Variants in RUFY1 observed in about 807,000 individuals in gnomAD.
The protein encoded by RUFY1 is RUN and FYVE domain-containing protein 1.
RUFY1 carries 54 observed loss-of-function variants against 94.6 expected under a neutral mutation model. The ratio of observed to expected loss-of-function variants is 0.57; its 90% CI spans 0.46 to 0.72. The LOEUF (loss-of-function observed/expected upper bound fraction) is 0.72, where lower values mean the gene tolerates loss of function less well. Ranked by LOEUF, RUFY1 falls within the 30% of genes least tolerant of loss-of-function variation. The pLI is 0.00. For missense variants in RUFY1, 883 were observed against 883.9 expected (o/e 1.00, Z 0.01); for synonymous variants, 396 against 347.3 (o/e 1.14, Z -1.56).
In RUFY1 at chr5:179,604,668, C is replaced by T. The variant is rs181348950; in HGVS notation, c.1857-1208C>T. ...GAGTCTAATCTGATGATAGTTCAGA[C>T]TGATCTCAGCTTTTAAGAAAGACCC... is the stretch of plus-strand genomic sequence containing the variant. On this transcript the variant is annotated intron_variant, in intron 15 of 17. Coordinates refer to ENST00000319449, the MANE Select transcript of RUFY1 (RefSeq NM_025158.5). Among the ~76,000 whole-genome samples, 49 of 152,296 alleles carry T rather than the reference C, an allele frequency of 3.2e-4. 1 individual carries two copies. The East Asian group carries it at 3.3e-3, about 10-fold the overall frequency.
chr5:179,594,233 C>T (rs1284239070), intron 11 of RUFY1, among the ~76,000 whole-genome samples: 1 of 151,168 alleles, frequency 6.6e-6, no homozygotes, highest in Non-Finnish European at 1.5e-5. Context: ...ACCCGGGAGA[C>T]AGGTTGCAGT....
chr5:179,593,367 C>G, intron 10 of RUFY1, 111 bp from the exon 11 acceptor site: 1 of 1,302,266 alleles, frequency 7.7e-7, no homozygotes, highest in Non-Finnish European at 1.1e-6. Flanking sequence ...GCATGAGCCA[C>G]CACACCCAGC....
At chr5:179,579,662 T>TCTTTTC (rs56879380) in intron 6 of RUFY1, among the ~76,000 whole-genome samples, 1 of 85,512 alleles carries the variant, frequency 1.2e-5, no homozygotes, top group Non-Finnish European at 2.3e-5. Context: ...TTCTTCTTTT[T>TCTTTTC]TTTTTTTTTT....
At chr5:179,561,079 C>T (rs1363299386) in intron 2 of RUFY1, among the ~76,000 whole-genome samples, 2 of 151,882 alleles carry the variant, frequency 1.3e-5, no homozygotes, top group East Asian at 1.9e-4. Flanking sequence ...GGCGTGGTGG[C>T]GCATGCCTGT....
chr5:179,577,446 T>G (rs1212099817), intron 6 of RUFY1, among the ~76,000 whole-genome samples: 1 of 151,692 alleles, frequency 6.6e-6, no homozygotes, highest in Non-Finnish European at 1.5e-5. Context: ...ATTACAGGCG[T>G]GACCCACCGC....
chr5:179,562,581 C>A lies in RUFY1; in HGVS notation c.519C>A (p.Phe173Leu). The A allele has an allele frequency of 6.2e-7, 1 of 1,610,236 alleles. No individual in the cohort carries two copies. Among genetic ancestry groups the A allele is most frequent in the Non-Finnish European group, 8.5e-7 (1 of 1,176,602 alleles). The change falls in exon 3 of 18, where the codon TTC (phenylalanine) becomes TTA (leucine). Residue 173 changes from phenylalanine (F) to leucine (L), a missense_variant. Transcript: ENST00000319449. ...KKSFIGQNKS[F>L]FGPLELVEKL... is the part of the protein sequence containing the mutation. ...GTTTTATTGGCCAAAATAAATCATT[C>A]TTTGGTCCTTTGGAGCTGGTGGAGA...
intron 8 of RUFY1, among the ~76,000 whole-genome samples, chr5:179,587,603 T>C (rs1283368255): frequency 6.8e-6 from 1 of 147,898 alleles, no homozygotes; most frequent in Non-Finnish European, 1.5e-5. Context: ...CATTTCACCA[T>C]GTTAGCCAGG....
intron 5 of RUFY1, 115 bp from the exon 6 acceptor site, chr5:179,576,960 C>T: frequency 1.3e-6 from 1 of 753,304 alleles, no homozygotes; most frequent in Non-Finnish European, 2.3e-6. Flanking sequence ...AGCTGGCTGA[C>T]CTAAATAAAT....
intron 1 of RUFY1, among the ~76,000 whole-genome samples, chr5:179,551,414 C>G (rs755407352): frequency 1.2e-3 from 185 of 152,382 alleles, no homozygotes; most frequent in Admixed American, 2.3e-3. Context: ...TAACTTAGCC[C>G]TCTAACGCCA....
chr5:179,597,804 C>T (rs574779488), intron 13 of RUFY1, among the ~76,000 whole-genome samples: 1 of 152,320 alleles, frequency 6.6e-6, no homozygotes, highest in South Asian at 2.1e-4. Context: ...GGCCACTCAG[C>T]TGGTAAAGGG....
chr5:179,588,577 C>A (rs1035639968), intron 8 of RUFY1, among the ~76,000 whole-genome samples: 1 of 152,122 alleles, frequency 6.6e-6, no homozygotes, highest in East Asian at 1.9e-4. Context: ...CCTGCAAATT[C>A]TTTAATTCTC....
intron 10 of RUFY1, 117 bp downstream of exon 10, chr5:179,591,858 C>G (rs1043915428): frequency 1.6e-6 from 1 of 609,616 alleles, no homozygotes; most frequent in African/African-American, 1.9e-5. Flanking sequence ...AGAAGCTGTT[C>G]ATTAAAAAAA....
chr5:179,596,695 A>G lies in RUFY1; in HGVS notation c.1631+14A>G. The G allele has an allele frequency of 2.1e-6, 3 of 1,439,048 alleles. No individual in the cohort carries two copies. The highest frequency in any genetic ancestry group is 2.8e-6 in the Non-Finnish European group (3 of 1,079,134). 89.1% of individuals were successfully genotyped at this position (1,439,048 alleles called of 1,614,324 possible). On this transcript the variant is annotated intron_variant, in intron 13 of 17. Transcript: ENST00000319449. ...GCACGAGCAATGGTAGGGGCCCTGC[A>G]GGGAGCCTGGGCTGGGGTGTGGCTC...
In RUFY1 at chr5:179,609,595, C is replaced by G; in HGVS notation, c.*76C>G. ...TCTCCAGGGGCTTGGGAAATGTGTT[C>G]TTTCCCAAGAGTATCAAAGGAAAGA... On this transcript the variant is annotated 3_prime_UTR_variant, in exon 18 of 18. Coordinates refer to ENST00000319449, the MANE Select transcript of RUFY1 (RefSeq NM_025158.5). 4 of 1,352,078 alleles carry G rather than the reference C, an allele frequency of 3.0e-6. No individual in the cohort carries two copies. The South Asian group carries it at 5.7e-5, about 19-fold the overall frequency. The allele number at this position is 1,352,078 out of a possible 1,614,324, so 83.8% of individuals were successfully genotyped here.
Position 179,585,827 on chromosome 5 carries a change from G to T in RUFY1, c.988G>T (p.Asp330Tyr). The part of the protein sequence containing the change: ...CTVGDLQTKI[D>Y]GLEKTNSKLQ... ...AGTTGGGGATCTTCAAACCAAGATA[G>T]ATGGCTTGGAAAAGACTAACTCAAA... is the stretch of plus-strand genomic sequence containing the variant. The change falls in exon 8 of 18, where the codon GAT (aspartate) becomes TAT (tyrosine). Residue 330 changes from aspartate (D) to tyrosine (Y), a missense_variant. Coordinates refer to ENST00000319449, the MANE Select transcript of RUFY1 (RefSeq NM_025158.5). The T allele has an allele frequency of 6.2e-7, 1 of 1,613,884 alleles. No homozygotes were observed. The highest frequency in any genetic ancestry group is 8.5e-7 in the Non-Finnish European group (1 of 1,179,758).
chr5:179,572,593 G>T, intron 5 of RUFY1: 1 of 230,726 alleles, frequency 4.3e-6, no homozygotes, highest in South Asian at 6.7e-5. Context: ...ATTTGCCTCT[G>T]GGGTGCTCCA....
At chr5:179,564,223 G>A (rs571298078) in intron 3 of RUFY1, among the ~76,000 whole-genome samples, 49 of 150,018 alleles carry the variant, frequency 3.3e-4, no homozygotes, top group African/African-American at 1.0e-3. Context: ...GGGTTCCAGC[G>A]ATTCTCCTGC....
At chr5:179,583,026 G>A (rs1764282367) in intron 7 of RUFY1, among the ~76,000 whole-genome samples, 1 of 151,990 alleles carries the variant, frequency 6.6e-6, no homozygotes, top group African/African-American at 2.4e-5. Context: ...GAAGCAGCCA[G>A]GTGTGATGGC....
At position 179,567,341 on chromosome 5, in the gene RUFY1, T is replaced by TA. The variant is rs1762905061; in HGVS notation, c.603-119dup. 5 of 735,072 alleles carry TA rather than the reference T, an allele frequency of 6.8e-6. No homozygotes were observed. In the Admixed American group the frequency reaches 7.2e-5, roughly 11 times the overall value. The allele number at this position is 735,072 out of a possible 1,614,324, so 45.5% of individuals were successfully genotyped here. A position where few individuals can be genotyped will look rare whatever the true frequency, so the allele number is the denominator to read the frequency against. ...CTCCCCAACCCCAAACAGCCATTCTTAGAGTATCGTCTGCATTTACAAGGG... is the reference window on the plus strand; with the variant it reads ...CTCCCCAACCCCAAACAGCCATTCTTAAGAGTATCGTCTGCATTTACAAGGG... On this transcript the variant is annotated intron_variant, in intron 3 of 17. Coordinates refer to ENST00000319449, the MANE Select transcript of RUFY1 (RefSeq NM_025158.5).
Sources: gnomAD v4.1 joint callset for allele counts (sites outside exome capture counted in the v4.1 genomes callset) on GRCh38, gnomAD v4.1.1 for gene constraint, MANE v1.5 for transcripts, NCBI Gene and HGNC (gene_info 2026-07-23, HGNC 2026-07-21) for gene names.